The following CNTFR variants were observed in gnomAD, a reference collection of about 807,000 sequenced individuals.
The protein encoded by CNTFR is ciliary neurotrophic factor receptor, also known as ciliary neurotrophic factor receptor subunit alpha.
A neutral mutation model predicts 40.4 loss-of-function variants in CNTFR; 12 were observed. That is an observed-to-expected ratio of 0.30 (90% CI 0.19 to 0.48). The LOEUF (loss-of-function observed/expected upper bound fraction) is 0.48, where lower values mean the gene tolerates loss of function less well. CNTFR is among the 20% of genes least tolerant of loss of function. The pLI, the probability that CNTFR is intolerant of heterozygous loss-of-function variation, is 0.99. For missense variants in CNTFR, 414 were observed against 506.8 expected, an observed-to-expected ratio of 0.82 and a Z score of 1.76; for synonymous variants, 202 against 209.6, an observed-to-expected ratio of 0.96 and a Z score of 0.31.
chr9:34,580,483 G>A (rs148531347), intron 2 of CNTFR, among the ~76,000 whole-genome samples: 36 of 152,306 alleles, frequency 2.4e-4, no homozygotes, highest in South Asian at 6.2e-4. Flanking sequence ...GCCCCCAGCC[G>A]GGAAAATGGC....
Position 34,557,945 on chromosome 9 carries a change from G to A in CNTFR, c.359C>T (p.Thr120Ile). Residue 120 changes from threonine (T) to isoleucine (I), a missense_variant, in exon 5 of 10, where the codon ACT (threonine) becomes ATT (isoleucine). Around this residue, in one of 3 missense-constraint regions of CNTFR, gnomAD observed 250 missense variants for 269.5 expected, o/e 0.93. Coordinates refer to ENST00000378980, the MANE Select transcript of CNTFR (RefSeq NM_147164.3). This position sits in a 1 kb window ranked among gnomAD's most constrained non-coding sequence, Gnocchi z 4.2. ...GCTGCAGTAGAAGCCCTTGGGGTAA[G>A]TGTTGGAGCGGCAGCTGAGCACAGG... The part of the protein sequence containing the change: ...REPVLSCRSN[T>I]YPKGFYCSWH... The A allele has an allele frequency of 1.3e-6, 2 of 1,565,826 alleles. No homozygotes were observed. The highest frequency in any genetic ancestry group is 1.7e-6 in the Non-Finnish European group (2 of 1,156,206).
intron 4 of CNTFR, among the ~76,000 whole-genome samples, chr9:34,561,063 T>C (rs1826053906): frequency 6.6e-6 from 1 of 151,944 alleles, no homozygotes. Flanking sequence ...ACTCCAGCCC[T>C]ACCCACGCCC....
intron 3 of CNTFR, among the ~76,000 whole-genome samples, 169 bp from the exon 4 acceptor site, chr9:34,565,001 C>G (rs1180777811): frequency 6.6e-6 from 1 of 152,122 alleles, no homozygotes; most frequent in African/African-American, 2.4e-5. Flanking sequence ...CTCCTCTATG[C>G]CTGTGCAAGT....
intron 1 of CNTFR, among the ~76,000 whole-genome samples, chr9:34,585,153 C>T (rs1456766774): frequency 6.6e-6 from 1 of 152,234 alleles, no homozygotes; most frequent in East Asian, 1.9e-4. Context: ...ACTGTTCACA[C>T]AAGAATGCCT....
chr9:34,562,510 C>T (rs1320272010), intron 4 of CNTFR, among the ~76,000 whole-genome samples: 1 of 152,208 alleles, frequency 6.6e-6, no homozygotes, highest in African/African-American at 2.4e-5. Flanking sequence ...ACTGGTGGGT[C>T]AGCGTTTTTG....
intron 4 of CNTFR, among the ~76,000 whole-genome samples, chr9:34,558,790 G>A (rs1376568959): frequency 6.6e-6 from 1 of 152,130 alleles, no homozygotes; most frequent in Non-Finnish European, 1.5e-5. Context: ...CCCTCACTCT[G>A]GAATAGGAAG....
At chr9:34,572,815 C>T (rs1361550801) in intron 2 of CNTFR, among the ~76,000 whole-genome samples, 1 of 152,210 alleles carries the variant, frequency 6.6e-6, no homozygotes, top group Non-Finnish European at 1.5e-5. Flanking sequence ...CATACATTGA[C>T]ACCAACAAAC....
At chr9:34,586,039 C>G (rs560763745) in intron 1 of CNTFR, among the ~76,000 whole-genome samples, 240 of 152,336 alleles carry the variant, frequency 1.6e-3, no homozygotes, top group African/African-American at 5.6e-3. Flanking sequence ...GCCATCTCAG[C>G]ATTGGGAGGG....
rs1440533135 is a variant in CNTFR at position 34,557,827 on chromosome 9, A to C, written c.437+40T>G. 1.3e-6 allele frequency: 2 copies of C among 1,545,852 alleles called. No individual in the cohort carries two copies. The highest frequency in any genetic ancestry group is 1.8e-6 in the Non-Finnish European group (2 of 1,133,832). On this transcript the variant is annotated intron_variant, in intron 5 of 9. Coordinates refer to ENST00000378980, the MANE Select transcript of CNTFR (RefSeq NM_147164.3). The surrounding 1 kb of genome is among the most constrained non-coding windows in gnomAD (Gnocchi z 4.2). The stretch of plus-strand genomic sequence containing the variant: ...GGTGGTGGGATGGGGGAGAGGTCAG[A>C]GGTCAGGGCTGGACCCGGGTCACAG...
intron 1 of CNTFR, among the ~76,000 whole-genome samples, chr9:34,586,641 C>G (rs1827558286): frequency 6.6e-6 from 1 of 152,178 alleles, no homozygotes; most frequent in South Asian, 2.1e-4. Flanking sequence ...GATGGGTATG[C>G]ATTGACATGG....
intron 1 of CNTFR, among the ~76,000 whole-genome samples, chr9:34,582,057 T>G (rs1827316380): frequency 6.6e-6 from 1 of 152,158 alleles, no homozygotes; most frequent in Admixed American, 6.5e-5. Context: ...GTGGATCACC[T>G]GAGCTTAGGA....
chr9:34,579,589 G>A (rs1405602048), intron 2 of CNTFR, among the ~76,000 whole-genome samples: 1 of 151,868 alleles, frequency 6.6e-6, no homozygotes, highest in African/African-American at 2.4e-5. Context: ...ACAGAGAGAG[G>A]GTGATGGAGA....
intron 2 of CNTFR, among the ~76,000 whole-genome samples, chr9:34,571,748 G>T (rs1277356937): frequency 6.6e-6 from 1 of 152,038 alleles, no homozygotes; most frequent in African/African-American, 2.4e-5. Context: ...GGGGTGCCAA[G>T]ACAGACACTG....
chr9:34,589,085 G>A lies in CNTFR; in HGVS notation c.-112+470C>T, dbSNP rs1206653811. 6.6e-6 allele frequency among the ~76,000 whole-genome samples: 1 copy of A among 152,014 alleles called. No individual in the cohort carries two copies. The highest frequency in any genetic ancestry group is 1.5e-5 in the Non-Finnish European group (1 of 67,984). ...CACACACACGCGCGCGCGGGCGCGCGGATTCACACGGACACACATGCACTG... is the reference window on the plus strand; with the variant it reads ...CACACACACGCGCGCGCGGGCGCGCAGATTCACACGGACACACATGCACTG... On this transcript the variant is annotated intron_variant, in intron 1 of 9. Transcript: ENST00000378980. This position sits in a 1 kb window ranked among gnomAD's most constrained non-coding sequence, Gnocchi z 4.4.
chr9:34,576,260 G>GGTGTGCGTGCACACATTACA (rs1219975731), intron 2 of CNTFR, among the ~76,000 whole-genome samples: 2 of 152,108 alleles, frequency 1.3e-5, no homozygotes, highest in Non-Finnish European at 2.9e-5. Context: ...CGTACACGCT[G>GGTGTGCGTGCACACATTACA]GTGTGCGTGC....
chr9:34,557,194 G>C lies in CNTFR; in HGVS notation c.604+332C>G, dbSNP rs112258878. On this transcript the variant is annotated intron_variant, in intron 6 of 9. Transcript: ENST00000378980. This position sits in a 1 kb window ranked among gnomAD's most constrained non-coding sequence, Gnocchi z 4.2. ...GTCCGTAAGGAAGCCATTAGAGTTG[G>C]GGGGGGGTGCGGTGGAGGCTGCAGC... 8.3e-3 allele frequency among the ~76,000 whole-genome samples: 1,262 copies of C among 151,422 alleles called. 24 individuals are homozygous for C. The highest frequency in any genetic ancestry group is 0.029 in the African/African-American group (1,182 of 41,288).
chr9:34,567,572 A>G (rs1371107249), intron 3 of CNTFR, among the ~76,000 whole-genome samples: 1 of 152,200 alleles, frequency 6.6e-6, no homozygotes, highest in East Asian at 1.9e-4. Context: ...CAAGAAGGGC[A>G]CCATCACCTA....
At chr9:34,580,549 G>A (rs540119832) in intron 2 of CNTFR, among the ~76,000 whole-genome samples, 7 of 152,304 alleles carry the variant, frequency 4.6e-5, no homozygotes, top group African/African-American at 1.7e-4. Flanking sequence ...GGCCTCTGGC[G>A]GGTTTTGGAC....
intron 2 of CNTFR, among the ~76,000 whole-genome samples, chr9:34,578,031 C>T (rs1281154975): frequency 6.6e-6 from 1 of 151,614 alleles, no homozygotes; most frequent in Non-Finnish European, 1.5e-5. Context: ...CCCACGCAGG[C>T]GCCCCGTCGG....
Sources: allele counts gnomAD v4.1 joint callset (sites outside exome capture counted in the v4.1 genomes callset), GRCh38; gene constraint gnomAD v4.1.1; regional missense constraint gnomAD v4.1.1; non-coding constraint Gnocchi (gnomAD v3.1); transcripts MANE v1.5; gene names NCBI Gene and HGNC (gene_info 2026-07-23, HGNC 2026-07-21).